Variants in FRY observed in about 807,000 individuals in gnomAD.
The protein encoded by FRY is protein furry homolog.
Under a neutral mutation model 348.4 loss-of-function variants are expected in FRY, and 128 were observed. The ratio of observed to expected loss-of-function variants is 0.37; its 90% CI spans 0.32 to 0.43. The LOEUF (loss-of-function observed/expected upper bound fraction) is 0.43. FRY is among the 20% of genes least tolerant of loss of function. FRY has a pLI of 1.00. For synonymous variants in FRY, 1,370 were observed against 1,374.7 expected, an observed-to-expected ratio of 1.00 and a Z score of 0.08; for missense variants, 2,736 against 3,695.2, an observed-to-expected ratio of 0.74 and a Z score of 6.73.
chr13:32,288,791 T>C (rs1889198240), intron 58 of FRY, among the ~76,000 whole-genome samples: 1 of 152,230 alleles, frequency 6.6e-6, no homozygotes, highest in Non-Finnish European at 1.5e-5. Context: ...GTTCCTTTCC[T>C]TTCACAGAAT....
intron 29 of FRY, 139 bp downstream of exon 29, chr13:32,194,436 G>T: frequency 1.4e-6 from 1 of 736,468 alleles, no homozygotes. Flanking sequence ...TATGTCCCCA[G>T]CAGGTAAACT....
chr13:32,264,640 C>A (rs573777772), intron 53 of FRY, among the ~76,000 whole-genome samples: 1 of 152,282 alleles, frequency 6.6e-6, no homozygotes, highest in Admixed American at 6.5e-5. Context: ...CCTCTTTTTC[C>A]ATTTTACTTG....
chr13:32,245,556 G>A (rs1185323075), intron 47 of FRY, among the ~76,000 whole-genome samples: 4 of 152,138 alleles, frequency 2.6e-5, no homozygotes, highest in Admixed American at 6.5e-5. Context: ...TGAGGTTACA[G>A]TGAACTGTGA....
intron 58 of FRY, among the ~76,000 whole-genome samples, chr13:32,281,347 T>C (rs1179072175): frequency 6.6e-6 from 1 of 152,216 alleles, no homozygotes; most frequent in Non-Finnish European, 1.5e-5. Context: ...TTTCCATTTG[T>C]CCACACTTTC....
chr13:32,252,710 A>G (rs1173661671), intron 50 of FRY, among the ~76,000 whole-genome samples: 1 of 152,174 alleles, frequency 6.6e-6, no homozygotes, highest in Non-Finnish European at 1.5e-5. Flanking sequence ...TTAAATTTCA[A>G]AATGGATCTA....
intron 1 of FRY, among the ~76,000 whole-genome samples, chr13:32,065,683 C>G (rs1338028078): frequency 6.6e-6 from 1 of 152,110 alleles, no homozygotes; most frequent in Non-Finnish European, 1.5e-5. Flanking sequence ...TCACTGCAGT[C>G]TTGAATTCCT....
At chr13:32,179,473 G>A (rs1319809086) in intron 22 of FRY, among the ~76,000 whole-genome samples, 1 of 146,986 alleles carries the variant, frequency 6.8e-6, no homozygotes, top group Admixed American at 6.8e-5. Context: ...TGTTCCAGGT[G>A]AGAATTGCAT....
intron 55 of FRY, among the ~76,000 whole-genome samples, chr13:32,268,792 C>T (rs976145680): frequency 2.6e-5 from 4 of 151,690 alleles, no homozygotes; most frequent in East Asian, 3.9e-4. Flanking sequence ...CTCAGCCTCC[C>T]GAGTAGCTGG....
At chr13:32,290,968 C>T (rs1007981264) in intron 59 of FRY, among the ~76,000 whole-genome samples, 3 of 152,036 alleles carry the variant, frequency 2.0e-5, no homozygotes, top group African/African-American at 7.2e-5. Context: ...AGCCTTCTGC[C>T]GGCTAGTCAA....
chr13:32,170,290 G>A (rs1467000876), intron 17 of FRY, among the ~76,000 whole-genome samples: 1 of 152,186 alleles, frequency 6.6e-6, no homozygotes, highest in Non-Finnish European at 1.5e-5. Flanking sequence ...ATACAGTACA[G>A]CTAAATGCAG....
At chr13:32,223,509 C>T (rs1885422201) in intron 36 of FRY, among the ~76,000 whole-genome samples, 1 of 152,172 alleles carries the variant, frequency 6.6e-6, no homozygotes, top group African/African-American at 2.4e-5. Context: ...TGGCCAGGCA[C>T]TCACACCTGT....
chr13:32,199,508 CTTGGAAGACAGCTGAA>C (rs1593729259), intron 29 of FRY, among the ~76,000 whole-genome samples: 2 of 152,110 alleles, frequency 1.3e-5, no homozygotes, highest in East Asian at 3.9e-4. Flanking sequence ...TGTATATAGA[CTTGGAAGACAGCTGAA>C]ATATCAAAAT....
At chr13:32,154,709 G>A (rs1800639052) in intron 14 of FRY, among the ~76,000 whole-genome samples, 1 of 152,194 alleles carries the variant, frequency 6.6e-6, no homozygotes, top group Non-Finnish European at 1.5e-5. Context: ...TCCATAGGTA[G>A]TAGTATACTT....
chr13:32,239,382 C>A lies in FRY; in HGVS notation c.6516+33C>A. 1 of 1,296,092 alleles carries A rather than the reference C, an allele frequency of 7.7e-7. No homozygotes were observed. Among genetic ancestry groups the A allele is most frequent in the Non-Finnish European group, 1.1e-6 (1 of 889,616 alleles). The allele number at this position is 1,296,092 out of a possible 1,614,324, so 80.3% of individuals were successfully genotyped here. A position where few individuals can be genotyped will look rare whatever the true frequency, so the allele number is the denominator to read the frequency against. ...TTACAGTTCCACACTCAGGCAGATC[C>A]ATAGAGGCCTTCAGGACGCCCTAGT... On this transcript the variant is annotated intron_variant, in intron 45 of 60. Coordinates refer to ENST00000542859, the MANE Select transcript of FRY (RefSeq NM_023037.3). This position sits in a 1 kb window ranked among gnomAD's most constrained non-coding sequence, Gnocchi z 4.3.
At chr13:32,084,551 C>T (rs1875727605) in intron 2 of FRY, among the ~76,000 whole-genome samples, 1 of 152,202 alleles carries the variant, frequency 6.6e-6, no homozygotes, top group Non-Finnish European at 1.5e-5. Context: ...TATCTCCACA[C>T]AATCATGCTT....
chr13:32,084,138 T>G (rs1464320075), intron 2 of FRY, among the ~76,000 whole-genome samples: 1 of 152,176 alleles, frequency 6.6e-6, no homozygotes, highest in East Asian at 1.9e-4. Flanking sequence ...TCTGCAGAAT[T>G]CTCAGTTTGC....
rs972540485 is a variant in FRY, at chr13:32,228,669, G to T, written c.5405+15G>T. The stretch of plus-strand genomic sequence containing the variant: ...CTCACGACCAGGTAATAAGGGGTTA[G>T]GAGTCCGCTGCTGTTTGCAGGTTGG... On this transcript the variant is annotated intron_variant, in intron 40 of 60. Coordinates refer to ENST00000542859, the MANE Select transcript of FRY (RefSeq NM_023037.3). 4 of 1,610,634 alleles carry T rather than the reference G, an allele frequency of 2.5e-6. No individual in the cohort carries two copies. In the South Asian group the frequency reaches 4.4e-5, roughly 18 times the overall value.
intron 28 of FRY, among the ~76,000 whole-genome samples, chr13:32,193,573 G>T (rs534652907): frequency 1.6e-4 from 24 of 146,372 alleles, no homozygotes; most frequent in African/African-American, 4.3e-4. Flanking sequence ...AAAAAAAATT[G>T]CCAATAAAGT....
At chr13:32,153,261 C>A (rs1880911802) in intron 14 of FRY, among the ~76,000 whole-genome samples, 1 of 152,058 alleles carries the variant, frequency 6.6e-6, no homozygotes, top group Non-Finnish European at 1.5e-5. Flanking sequence ...TTATAGCAGC[C>A]TCATTCAAAG....
Sources: allele counts gnomAD v4.1 joint callset (sites outside exome capture counted in the v4.1 genomes callset), GRCh38; gene constraint gnomAD v4.1.1; non-coding constraint Gnocchi (gnomAD v3.1); transcripts MANE v1.5; gene names NCBI Gene and HGNC (gene_info 2026-07-23, HGNC 2026-07-21).